The following DOK6 variants were observed in gnomAD, a reference collection of about 807,000 sequenced individuals.
The protein encoded by DOK6 is downstream of tyrosine kinase 6.
In DOK6, 22 loss-of-function variants were observed where a neutral mutation model predicts 44.0. The observed-to-expected ratio is 0.50, with a 90% confidence interval of 0.36 to 0.71. DOK6 has a LOEUF of 0.71. DOK6 is among the 30% of genes least tolerant of loss of function. The pLI, the probability that DOK6 is intolerant of heterozygous loss-of-function variation, is 0.00. For synonymous variants in DOK6, 166 were observed against 145.5 expected (o/e 1.14, Z -1.01); for missense variants, 340 against 416.4 (o/e 0.82, Z 1.60).
chr18:69,422,686 C>T (rs760760882), intron 1 of DOK6, among the ~76,000 whole-genome samples: 48 of 152,156 alleles, frequency 3.2e-4, no homozygotes, highest in Non-Finnish European at 6.0e-4. Flanking sequence ...ACTTAAGGCA[C>T]AAGTGTTGGT....
At chr18:69,697,462 A>G (rs1986413623) in intron 4 of DOK6, among the ~76,000 whole-genome samples, 1 of 152,140 alleles carries the variant, frequency 6.6e-6, no homozygotes, top group Admixed American at 6.5e-5. Context: ...CTCATAATTC[A>G]TCATGGCATA....
intron 3 of DOK6, among the ~76,000 whole-genome samples, chr18:69,649,686 A>G (rs1985172880): frequency 6.6e-6 from 1 of 152,200 alleles, no homozygotes. Context: ...TATAAGGTCA[A>G]TGCATGGAAA....
intron 1 of DOK6, among the ~76,000 whole-genome samples, chr18:69,484,886 A>G (rs1033449818): frequency 6.6e-6 from 1 of 152,154 alleles, no homozygotes; most frequent in Middle Eastern, 3.2e-3. Context: ...TGACTAATAA[A>G]TAGAACTCTG....
chr18:69,766,413 T>A (rs903798001), intron 7 of DOK6, among the ~76,000 whole-genome samples: 1 of 152,210 alleles, frequency 6.6e-6, no homozygotes, highest in Non-Finnish European at 1.5e-5. Context: ...AAATTGTTTA[T>A]TTAAAAAAGA....
chr18:69,759,507 CTA>C (rs1225634373), intron 7 of DOK6, among the ~76,000 whole-genome samples: 2 of 151,982 alleles, frequency 1.3e-5, no homozygotes, highest in Non-Finnish European at 2.9e-5. Flanking sequence ...TATAATAACT[CTA>C]GTTTTTGTCA....
At chr18:69,642,433 G>A (rs1245263392) in intron 3 of DOK6, among the ~76,000 whole-genome samples, 1 of 152,118 alleles carries the variant, frequency 6.6e-6, no homozygotes, top group Non-Finnish European at 1.5e-5. Context: ...CTACTTTGGA[G>A]GCTGAGGCCA....
At chr18:69,471,579 T>C (rs927700445) in intron 1 of DOK6, 2 of 114,308 alleles carry the variant, frequency 1.7e-5, no homozygotes, top group African/African-American at 5.8e-5. Context: ...TTATGAGGGT[T>C]TTTTTGTTTT....
At chr18:69,660,440 C>T (rs1170002232) in intron 3 of DOK6, 2 of 152,146 alleles carry the variant, frequency 1.3e-5, no homozygotes, top group Admixed American at 6.5e-5. Flanking sequence ...TTTCTTTTAT[C>T]GTGGTATGCG....
chr18:69,459,879 G>A (rs1217570307), intron 1 of DOK6, among the ~76,000 whole-genome samples: 1 of 152,088 alleles, frequency 6.6e-6, no homozygotes, highest in Admixed American at 6.5e-5. Context: ...TATATGTGTG[G>A]GTAAAAGTTG....
intron 1 of DOK6, among the ~76,000 whole-genome samples, chr18:69,526,798 A>G (rs1476764862): frequency 2.6e-5 from 4 of 152,204 alleles, no homozygotes; most frequent in Non-Finnish European, 4.4e-5. Flanking sequence ...GAGAAGAACA[A>G]TAAGTGCTGA....
chr18:69,571,136 T>A (rs777669051), intron 2 of DOK6, among the ~76,000 whole-genome samples: 1 of 152,046 alleles, frequency 6.6e-6, no homozygotes, highest in Non-Finnish European at 1.5e-5. Context: ...TGTAAGATTT[T>A]CATGGCTTAC....
At chr18:69,821,419 G>T (rs373752982) in intron 7 of DOK6, among the ~76,000 whole-genome samples, 1 of 152,130 alleles carries the variant, frequency 6.6e-6, no homozygotes, top group African/African-American at 2.4e-5. Flanking sequence ...CTTAACAAAA[G>T]AATTCTGATA....
chr18:69,664,181 G>A (rs1394452037), intron 3 of DOK6, among the ~76,000 whole-genome samples: 1 of 152,042 alleles, frequency 6.6e-6, no homozygotes, highest in Admixed American at 6.6e-5. Context: ...GTAACCAGCT[G>A]GTTTATTTTC....
chr18:69,776,798 C>G (rs1980080785), intron 7 of DOK6, among the ~76,000 whole-genome samples: 1 of 151,858 alleles, frequency 6.6e-6, no homozygotes. Flanking sequence ...TGATAAAATT[C>G]AGTATTCATC....
At chr18:69,603,329 T>G (rs181205258) in intron 3 of DOK6, among the ~76,000 whole-genome samples, 1 of 152,270 alleles carries the variant, frequency 6.6e-6, no homozygotes, top group Non-Finnish European at 1.5e-5. Context: ...TTGTAGCCCC[T>G]AATCCTACAA....
intron 3 of DOK6, among the ~76,000 whole-genome samples, chr18:69,673,451 T>C (rs1985853561): frequency 6.6e-6 from 1 of 152,130 alleles, no homozygotes; most frequent in African/African-American, 2.4e-5. Flanking sequence ...ACTGCATCAG[T>C]CCCATGTCAC....
chr18:69,606,996 A>G (rs972487933), intron 3 of DOK6, among the ~76,000 whole-genome samples: 26 of 152,208 alleles, frequency 1.7e-4, no homozygotes, highest in African/African-American at 4.3e-4. Context: ...TTACTCTTTC[A>G]TGGATCCCAG....
At chr18:69,593,846 G>A (rs1036101163) in intron 2 of DOK6, among the ~76,000 whole-genome samples, 28 of 152,136 alleles carry the variant, frequency 1.8e-4, no homozygotes, top group African/African-American at 6.5e-4. Context: ...GCTATTATAT[G>A]TAATGTAGTT....
chr18:69,732,805 A>C (rs543736903), intron 5 of DOK6, among the ~76,000 whole-genome samples: 232 of 152,330 alleles, frequency 1.5e-3, no homozygotes, highest in Admixed American at 2.7e-3. Context: ...GGCATTTCAC[A>C]AAGCTAGTTG....
Sources: gnomAD v4.1 joint callset for allele counts (sites outside exome capture counted in the v4.1 genomes callset) on GRCh38, gnomAD v4.1.1 for gene constraint, MANE v1.5 for transcripts, NCBI Gene and HGNC (gene_info 2026-07-23, HGNC 2026-07-21) for gene names.